ZMAT4: variants seen among roughly 807,000 people sequenced by gnomAD.
The protein encoded by ZMAT4 is zinc finger matrin-type protein 4.
In ZMAT4, 17 loss-of-function variants were observed where a neutral mutation model predicts 28.7. The ratio of observed to expected loss-of-function variants is 0.59; its 90% CI spans 0.41 to 0.89. ZMAT4 has a LOEUF of 0.89. ZMAT4 is among the 40% of genes least tolerant of loss of function. The pLI, the probability that ZMAT4 is intolerant of heterozygous loss-of-function variation, is 0.00. For synonymous variants in ZMAT4, 117 were observed against 109.2 expected (o/e 1.07, Z -0.44); for missense variants, 240 against 283.8 (o/e 0.85, Z 1.11).
At chr8:40,816,151 GA>G (rs1336760186) in intron 2 of ZMAT4, among the ~76,000 whole-genome samples, 1 of 152,140 alleles carries the variant, frequency 6.6e-6, no homozygotes, top group Non-Finnish European at 1.5e-5. Flanking sequence ...ACAGTAAGAA[GA>G]AAACATGCGA....
intron 4 of ZMAT4, among the ~76,000 whole-genome samples, chr8:40,695,335 A>T (rs1207500945): frequency 6.6e-6 from 1 of 152,160 alleles, no homozygotes; most frequent in Admixed American, 6.5e-5. Flanking sequence ...AGGCCCTCTG[A>T]TCTGTCTGGT....
At chr8:40,810,155 G>T (rs187438677) in intron 2 of ZMAT4, among the ~76,000 whole-genome samples, 1 of 152,218 alleles carries the variant, frequency 6.6e-6, no homozygotes, top group East Asian at 1.9e-4. Flanking sequence ...GCATGTGTGT[G>T]TATGTATATA....
At chr8:40,585,423 A>G (rs1804636365) in intron 5 of ZMAT4, among the ~76,000 whole-genome samples, 1 of 152,144 alleles carries the variant, frequency 6.6e-6, no homozygotes, top group African/African-American at 2.4e-5. Flanking sequence ...AAACTTCGGG[A>G]GATTCTGATA....
At chr8:40,560,633 A>G (rs1358216467) in intron 6 of ZMAT4, among the ~76,000 whole-genome samples, 1 of 152,090 alleles carries the variant, frequency 6.6e-6, no homozygotes, top group East Asian at 1.9e-4. Flanking sequence ...GGGCTGTCCT[A>G]ATAGATTTGC....
chr8:40,720,525 T>TC (rs200196045), intron 3 of ZMAT4, among the ~76,000 whole-genome samples: 3,418 of 134,038 alleles, frequency 0.026, 132 homozygotes, highest in African/African-American at 0.099. Flanking sequence ...GGTAGAATCT[T>TC]TTTTTTTTTT....
intron 5 of ZMAT4, among the ~76,000 whole-genome samples, chr8:40,635,538 A>G (rs1021244877): frequency 6.6e-6 from 1 of 152,186 alleles, no homozygotes; most frequent in East Asian, 1.9e-4. Context: ...AAGATGCCCA[A>G]CCTCTGATGC....
intron 3 of ZMAT4, among the ~76,000 whole-genome samples, chr8:40,707,876 C>T (rs1008471513): frequency 6.6e-6 from 1 of 152,114 alleles, no homozygotes; most frequent in African/African-American, 2.4e-5. Context: ...TATAATAGGA[C>T]CTGCCATAGA....
At chr8:40,602,757 T>C (rs143660122) in intron 5 of ZMAT4, among the ~76,000 whole-genome samples, 3 of 152,190 alleles carry the variant, frequency 2.0e-5, no homozygotes, top group Non-Finnish European at 2.9e-5. Context: ...TTTGTTATGC[T>C]TTGTTTTGTT....
At chr8:40,827,412 A>G (rs1340035711) in intron 1 of ZMAT4, among the ~76,000 whole-genome samples, 1 of 152,204 alleles carries the variant, frequency 6.6e-6, no homozygotes, top group East Asian at 1.9e-4. Flanking sequence ...GCAACAGTGA[A>G]CTGTGTAAAG....
chr8:40,783,959 A>G (rs1330520545), intron 2 of ZMAT4, among the ~76,000 whole-genome samples: 1 of 152,106 alleles, frequency 6.6e-6, no homozygotes. Flanking sequence ...TGCAGTGAGC[A>G]GAGAAGGCAC....
intron 4 of ZMAT4, among the ~76,000 whole-genome samples, chr8:40,681,434 T>A (rs568383639): frequency 3.3e-5 from 5 of 152,238 alleles, no homozygotes; most frequent in South Asian, 2.1e-4. Context: ...TCAGCAAATA[T>A]CACTGTTTTT....
At chr8:40,589,252 T>C (rs1804771602) in intron 5 of ZMAT4, among the ~76,000 whole-genome samples, 1 of 152,198 alleles carries the variant, frequency 6.6e-6, no homozygotes, top group African/African-American at 2.4e-5. Flanking sequence ...GAAACTGAGG[T>C]ATGCAGACTT....
intron 3 of ZMAT4, among the ~76,000 whole-genome samples, chr8:40,718,671 C>A (rs752985151): frequency 6.6e-6 from 1 of 152,098 alleles, no homozygotes; most frequent in Non-Finnish European, 1.5e-5. Context: ...TTCCCTCATC[C>A]AGTTCGTCTC....
intron 4 of ZMAT4, among the ~76,000 whole-genome samples, chr8:40,687,786 A>T (rs1384668070): frequency 6.6e-6 from 1 of 152,226 alleles, no homozygotes; most frequent in Non-Finnish European, 1.5e-5. Flanking sequence ...ATGAAAGGCC[A>T]GGCATTAAGA....
At chr8:40,880,000 T>C (rs1275182357) in intron 1 of ZMAT4, among the ~76,000 whole-genome samples, 4 of 152,206 alleles carry the variant, frequency 2.6e-5, no homozygotes, top group African/African-American at 9.6e-5. Context: ...CTGCAGTGAA[T>C]GATTTTGTGC....
intron 3 of ZMAT4, among the ~76,000 whole-genome samples, chr8:40,704,467 C>T (rs928585359): frequency 6.6e-6 from 1 of 152,232 alleles, no homozygotes; most frequent in African/African-American, 2.4e-5. Flanking sequence ...ATTTCATCCA[C>T]ATCTTCCTTC....
intron 1 of ZMAT4, among the ~76,000 whole-genome samples, chr8:40,866,583 GT>G (rs1817683466): frequency 6.6e-6 from 1 of 152,208 alleles, no homozygotes; most frequent in Admixed American, 6.5e-5. Context: ...ACATCTGGCT[GT>G]TTTATCTTTT....
intron 4 of ZMAT4, among the ~76,000 whole-genome samples, chr8:40,689,758 T>A (rs1053231115): frequency 6.6e-6 from 1 of 152,042 alleles, no homozygotes; most frequent in Admixed American, 6.6e-5. Flanking sequence ...TGACCATGTC[T>A]CCTGTTGACA....
At chr8:40,700,526 C>T (rs1379166025) in intron 3 of ZMAT4, among the ~76,000 whole-genome samples, 1 of 149,422 alleles carries the variant, frequency 6.7e-6, no homozygotes, top group African/African-American at 2.5e-5. Flanking sequence ...TCAAGCAATC[C>T]TTTCACCTCA....
Sources: gnomAD v4.1 joint callset for allele counts (sites outside exome capture counted in the v4.1 genomes callset) on GRCh38, gnomAD v4.1.1 for gene constraint, MANE v1.5 for transcripts, NCBI Gene and HGNC (gene_info 2026-07-23, HGNC 2026-07-21) for gene names.